PHLPP1: variants seen among roughly 807,000 people sequenced by gnomAD.
PHLPP1 encodes PH domain and leucine rich repeat protein phosphatase 1, also known as PH domain leucine-rich repeat-containing protein phosphatase 1.
PHLPP1 carries 42 observed loss-of-function variants against 117.2 expected under a neutral mutation model. That is an observed-to-expected ratio of 0.36 (90% CI 0.28 to 0.46). The LOEUF (loss-of-function observed/expected upper bound fraction) is 0.46, where lower values mean the gene tolerates loss of function less well. Among genes scored for constraint, PHLPP1 ranks in the 20% least tolerant of loss-of-function variants. The pLI, the probability that PHLPP1 is intolerant of heterozygous loss-of-function variation, is 1.00. For missense variants in PHLPP1, 2,084 were observed against 2,241.9 expected, an observed-to-expected ratio of 0.93 and a Z score of 1.42; for synonymous variants, 1,042 against 970.7, an observed-to-expected ratio of 1.07 and a Z score of -1.37.
intron 3 of PHLPP1, among the ~76,000 whole-genome samples, chr18:62,840,498 T>G (rs986626420): frequency 3.3e-5 from 5 of 152,236 alleles, no homozygotes; most frequent in Non-Finnish European, 7.3e-5. Context: ...GAGGAGATAT[T>G]AAATACCATT....
intron 12 of PHLPP1, among the ~76,000 whole-genome samples, chr18:62,951,864 G>T (rs952381274): frequency 7.1e-6 from 1 of 140,710 alleles, no homozygotes; most frequent in African/African-American, 2.7e-5. Context: ...GCCCAGGCTC[G>T]AGTGCAATGG....
intron 10 of PHLPP1, among the ~76,000 whole-genome samples, chr18:62,932,914 G>C (rs949914813): frequency 1.3e-5 from 2 of 152,268 alleles, no homozygotes; most frequent in African/African-American, 4.8e-5. Flanking sequence ...CTTCAGTAAA[G>C]TTTCAGGATT....
At chr18:62,768,940 G>A (rs976401127) in intron 1 of PHLPP1, among the ~76,000 whole-genome samples, 1 of 152,146 alleles carries the variant, frequency 6.6e-6, no homozygotes, top group Non-Finnish European at 1.5e-5. Flanking sequence ...ATTCTCTGGG[G>A]TGATGGTGGG....
chr18:62,946,995 G>A (rs562915311), intron 12 of PHLPP1, among the ~76,000 whole-genome samples: 2 of 152,366 alleles, frequency 1.3e-5, no homozygotes, highest in East Asian at 3.9e-4. Flanking sequence ...AGAGCTTGCA[G>A]TGAGCCGAGA....
intron 1 of PHLPP1, among the ~76,000 whole-genome samples, chr18:62,735,225 T>C (rs536215956): frequency 6.6e-6 from 1 of 152,042 alleles, no homozygotes; most frequent in African/African-American, 2.4e-5. Flanking sequence ...TAAATTTTTG[T>C]ATTTTTGTAA....
chr18:62,803,690 T>A (rs369466148), intron 1 of PHLPP1, among the ~76,000 whole-genome samples: 2 of 152,206 alleles, frequency 1.3e-5, no homozygotes, highest in African/African-American at 2.4e-5. Context: ...TTACATGTAT[T>A]TTTTTGCTTT....
chr18:62,875,921 C>T (rs1192286732), intron 4 of PHLPP1, among the ~76,000 whole-genome samples: 1 of 151,752 alleles, frequency 6.6e-6, no homozygotes, highest in Non-Finnish European at 1.5e-5. Flanking sequence ...TTAGTAAAGA[C>T]GGGGTTTCAC....
At chr18:62,967,664 A>G (rs540881147) in intron 14 of PHLPP1, among the ~76,000 whole-genome samples, 104 of 152,096 alleles carry the variant, frequency 6.8e-4, no homozygotes, top group Middle Eastern at 3.4e-3. Context: ...TAAACAGATA[A>G]CACATTTTGT....
intron 1 of PHLPP1, among the ~76,000 whole-genome samples, chr18:62,744,708 C>G (rs1248627696): frequency 6.6e-6 from 1 of 152,184 alleles, no homozygotes; most frequent in Non-Finnish European, 1.5e-5. Context: ...ATGTTTGAAA[C>G]TTCAGTGATG....
At chr18:62,799,736 C>T (rs1399210725) in intron 1 of PHLPP1, among the ~76,000 whole-genome samples, 1 of 152,140 alleles carries the variant, frequency 6.6e-6, no homozygotes, top group Non-Finnish European at 1.5e-5. Context: ...GTTCTTTGAC[C>T]TTCCCTCACC....
intron 1 of PHLPP1, among the ~76,000 whole-genome samples, chr18:62,793,086 A>T (rs1913511540): frequency 6.6e-6 from 1 of 151,830 alleles, no homozygotes; most frequent in African/African-American, 2.4e-5. Context: ...GAGGTGGGAG[A>T]ATCACTTGAA....
At chr18:62,749,548 C>T (rs114994402) in intron 1 of PHLPP1, among the ~76,000 whole-genome samples, 1,594 of 152,246 alleles carry the variant, frequency 0.01, 20 homozygotes, top group African/African-American at 0.036. Context: ...AACAGAAATT[C>T]GTTTTCTCCA....
intron 6 of PHLPP1, among the ~76,000 whole-genome samples, chr18:62,896,986 G>A (rs1156358664): frequency 6.6e-6 from 1 of 152,188 alleles, no homozygotes; most frequent in Non-Finnish European, 1.5e-5. Context: ...CTTGGAATGT[G>A]ACAAGATAAG....
intron 4 of PHLPP1, among the ~76,000 whole-genome samples, chr18:62,894,064 T>G (rs1220759533): frequency 1.3e-5 from 2 of 152,190 alleles, no homozygotes; most frequent in African/African-American, 2.4e-5. Context: ...CTATGAAGAT[T>G]ACTTCAATTT....
chr18:62,861,633 A>G lies in PHLPP1; in HGVS notation c.2066+1032A>G, dbSNP rs561939641. Among the ~76,000 whole-genome samples the G allele has an allele frequency of 3.3e-5, 5 of 152,368 alleles. No homozygotes were observed. The East Asian group carries it at 9.6e-4, about 29-fold the overall frequency. ...TAATTGCTAGTTCATTTGTTTTTAC[A>G]TGACTGATATGATCAGGAATTAAAA... On this transcript the variant is annotated intron_variant, in intron 4 of 16. Coordinates refer to ENST00000262719, the MANE Select transcript of PHLPP1 (RefSeq NM_194449.4).
chr18:62,822,624 C>A (rs1027859838), intron 1 of PHLPP1, among the ~76,000 whole-genome samples: 3 of 152,006 alleles, frequency 2.0e-5, no homozygotes, highest in Non-Finnish European at 4.4e-5. Context: ...AATGCCTCCC[C>A]CTTAAGATCA....
At chr18:62,730,695 G>T (rs1474871410) in intron 1 of PHLPP1, among the ~76,000 whole-genome samples, 1 of 151,868 alleles carries the variant, frequency 6.6e-6, no homozygotes, top group Non-Finnish European at 1.5e-5. Context: ...GGGAGGCTGA[G>T]GCAGGAGAAT....
intron 4 of PHLPP1, 51 bp downstream of exon 4, chr18:62,860,652 A>C: frequency 7.0e-7 from 1 of 1,418,844 alleles, no homozygotes; most frequent in Non-Finnish European, 9.8e-7. Flanking sequence ...GGGCAGAATG[A>C]ACTTCTGCTT....
At chr18:62,764,700 G>A (rs573233525) in intron 1 of PHLPP1, among the ~76,000 whole-genome samples, 71 of 152,368 alleles carry the variant, frequency 4.7e-4, no homozygotes, top group African/African-American at 1.7e-3. Flanking sequence ...TAGGGTTCTT[G>A]GGGATGAAAT....
Sources: gnomAD v4.1 joint callset for allele counts (sites outside exome capture counted in the v4.1 genomes callset) on GRCh38, gnomAD v4.1.1 for gene constraint, MANE v1.5 for transcripts, NCBI Gene and HGNC (gene_info 2026-07-23, HGNC 2026-07-21) for gene names.